Variants in NME8 observed in about 807,000 individuals in gnomAD.
NME8 encodes the protein protein NME8.
In NME8, 72 loss-of-function variants were observed where a neutral mutation model predicts 82.3. The ratio of observed to expected loss-of-function variants is 0.87; its 90% CI spans 0.72 to 1.06. NME8 has a LOEUF of 1.06. Among genes scored for constraint, NME8 ranks in the 50% least tolerant of loss-of-function variants. NME8 has a pLI of 0.00. For missense variants in NME8, 712 were observed against 685.4 expected, an observed-to-expected ratio of 1.04 and a Z score of -0.43; for synonymous variants, 267 against 228.5, an observed-to-expected ratio of 1.17 and a Z score of -1.52.
intron 15 of NME8, among the ~76,000 whole-genome samples, chr7:37,893,097 A>C (rs2722349): frequency 0.21 from 31,960 of 151,990 alleles, 4,201 homozygotes; most frequent in Non-Finnish European, 0.31. Flanking sequence ...CTTAATAGGT[A>C]GGGCCTTTGC....
In NME8 at chr7:37,884,584, T is replaced by G. The variant is rs1030601868; in HGVS notation, c.1139+137T>G. ...TCTGAGTTTACTTCTCTACCAGTCC[T>G]GCTCCCATCCCAATCCTCTGCTCAC... On this transcript the variant is annotated intron_variant, in intron 13 of 17. Transcript: ENST00000199447. 18 of 707,196 alleles carry G rather than the reference T, an allele frequency of 2.5e-5. No individual in the cohort carries two copies. In the Admixed American group the frequency reaches 4.1e-4, roughly 16 times the overall value. 43.8% of individuals were successfully genotyped at this position (707,196 alleles called of 1,614,324 possible).
At chr7:37,864,023 G>GTGAAAGTGAAA (rs1340489972) in intron 8 of NME8, among the ~76,000 whole-genome samples, 1 of 152,164 alleles carries the variant, frequency 6.6e-6, no homozygotes, top group East Asian at 1.9e-4. Flanking sequence ...TTCACTTACT[G>GTGAAAGTGAAA]GTAGTACTGT....
chr7:37,865,935 T>C (rs1048140702), intron 10 of NME8, among the ~76,000 whole-genome samples: 28 of 152,194 alleles, frequency 1.8e-4, no homozygotes, highest in African/African-American at 6.0e-4. Flanking sequence ...TTTCTATTGA[T>C]TTTTATTCTG....
intron 5 of NME8, among the ~76,000 whole-genome samples, chr7:37,856,216 A>G (rs943898908): frequency 6.6e-6 from 1 of 152,196 alleles, no homozygotes; most frequent in Non-Finnish European, 1.5e-5. Context: ...ACTGTTATAA[A>G]CTGAATGTTT....
intron 17 of NME8, among the ~76,000 whole-genome samples, chr7:37,897,529 AAAAAC>A (rs1270198414): frequency 6.6e-6 from 1 of 152,160 alleles, no homozygotes; most frequent in African/African-American, 2.4e-5. Context: ...TGTTCTAAAC[AAAAAC>A]AAAACAAAAC....
At chr7:37,888,452 A>G in intron 15 of NME8, 24 bp downstream of exon 15, 3 of 1,599,642 alleles carry the variant, frequency 1.9e-6, no homozygotes, top group Non-Finnish European at 2.6e-6. Flanking sequence ...AATAAAAGTG[A>G]ATGTATACAT....
intron 9 of NME8, among the ~76,000 whole-genome samples, chr7:37,865,232 C>T (rs954642279): frequency 1.3e-4 from 20 of 152,124 alleles, no homozygotes; most frequent in Admixed American, 2.0e-4. Context: ...TAGTTACTTC[C>T]TAGATACAAT....
intron 15 of NME8, among the ~76,000 whole-genome samples, chr7:37,892,708 A>G (rs1301995315): frequency 3.3e-5 from 5 of 151,720 alleles, no homozygotes; most frequent in Non-Finnish European, 7.4e-5. Flanking sequence ...CTGTTATTTT[A>G]TCTTTGTCTT....
At chr7:37,890,092 T>C (rs1975639) in intron 15 of NME8, among the ~76,000 whole-genome samples, 1 of 152,048 alleles carries the variant, frequency 6.6e-6, no homozygotes, top group Admixed American at 6.6e-5. Context: ...TATTGTTTGC[T>C]ATCAGGACCA....
At chr7:37,886,854 T>G (rs1273324649) in intron 14 of NME8, among the ~76,000 whole-genome samples, 1 of 138,572 alleles carries the variant, frequency 7.2e-6, no homozygotes. Flanking sequence ...AAGGTCAAGG[T>G]GATAAGGCAA....
At position 37,884,398 on chromosome 7, in the gene NME8, G is replaced by T. The variant is rs150497712; in HGVS notation, c.1090G>T (p.Glu364Ter). ...AAAAGAAGCACAAGCACTGTGCAAG[G>T]AATATGAAAATGAAGACTATTTTAA... ...SEKEAQALCK[E>*]YENEDYFNKL... Residue 364 changes from glutamate to a stop codon, truncating the protein, a stop_gained, in exon 13 of 18, where the codon GAA becomes TAA. Coordinates refer to ENST00000199447, the MANE Select transcript of NME8 (RefSeq NM_016616.5). LOFTEE classifies it high-confidence loss of function. The T allele has an allele frequency of 1.5e-4, 240 of 1,610,842 alleles. 1 individual carries two copies. Among genetic ancestry groups the T allele is most frequent in the Non-Finnish European group, 3.0e-5 (35 of 1,177,244 alleles).
chr7:37,874,801 C>G (rs531035916), intron 11 of NME8, among the ~76,000 whole-genome samples: 1 of 152,194 alleles, frequency 6.6e-6, no homozygotes, highest in East Asian at 1.9e-4. Context: ...CAAGAATCAT[C>G]ATTGGGTTTA....
At chr7:37,870,652 C>T (rs1415043971) in intron 11 of NME8, among the ~76,000 whole-genome samples, 1 of 151,884 alleles carries the variant, frequency 6.6e-6, no homozygotes. Context: ...CTTCCTGGGC[C>T]TCATGCAGCC....
intron 11 of NME8, 113 bp from the exon 12 acceptor site, chr7:37,876,719 A>T: frequency 1.3e-6 from 1 of 760,650 alleles, no homozygotes. Context: ...ATGACATTTA[A>T]TTTTTGTTTT....
At chr7:37,862,166 A>T (rs755343739) in intron 7 of NME8, 22 bp downstream of exon 7, 5 of 1,463,484 alleles carry the variant, frequency 3.4e-6, no homozygotes, top group Non-Finnish European at 3.8e-6. Context: ...GATTAACAAC[A>T]GTTTGAAGAC....
chr7:37,862,223 T>C (rs1427220853), intron 7 of NME8, 79 bp downstream of exon 7: 1 of 902,562 alleles, frequency 1.1e-6, no homozygotes, highest in Non-Finnish European at 1.9e-6. Context: ...CTACTGGTGC[T>C]AGGTACCTCT....
intron 11 of NME8, among the ~76,000 whole-genome samples, chr7:37,875,187 T>C (rs1320548215): frequency 6.6e-6 from 1 of 152,114 alleles, no homozygotes; most frequent in Non-Finnish European, 1.5e-5. Flanking sequence ...CTGTTGGAGA[T>C]AAAAGCAAAT....
chr7:37,864,445 A>G, intron 9 of NME8, 24 bp downstream of exon 9: 1 of 1,524,008 alleles, frequency 6.6e-7, no homozygotes, highest in East Asian at 2.3e-5. Flanking sequence ...TCCAACTATG[A>G]TTAAATTAAT....
At chr7:37,864,209 C>T in intron 8 of NME8, 139 bp from the exon 9 acceptor site, 1 of 1,039,352 alleles carries the variant, frequency 9.6e-7, no homozygotes, top group Middle Eastern at 2.2e-4. Context: ...AGTTGAAATG[C>T]CGTAGTAAGA....
Sources: allele counts gnomAD v4.1 joint callset (sites outside exome capture counted in the v4.1 genomes callset), GRCh38; gene constraint gnomAD v4.1.1; transcripts MANE v1.5; gene names NCBI Gene and HGNC (gene_info 2026-07-23, HGNC 2026-07-21).